Variants in NOS1 observed in about 807,000 individuals in gnomAD.
NOS1 encodes the protein NOS type I.
Under a neutral mutation model 164.5 loss-of-function variants are expected in NOS1, and 51 were observed. The observed-to-expected ratio is 0.31, with a 90% CI of 0.25 to 0.39. NOS1 has a LOEUF of 0.39. Among genes scored for constraint, NOS1 ranks in the 10% least tolerant of loss-of-function variants. The probability of loss-of-function intolerance (pLI) is 1.00; values close to 1 mark genes in which losing one functional copy is unlikely to be tolerated. For synonymous variants in NOS1, 719 were observed against 745.8 expected, an observed-to-expected ratio of 0.96 and a Z score of 0.59; for missense variants, 1,362 against 1,885.6, an observed-to-expected ratio of 0.72 and a Z score of 5.14.
At chr12:117,247,171 ATG>A in intron 18 of NOS1, among the ~76,000 whole-genome samples, 175 bp downstream of exon 18, 1 of 152,176 alleles carries the variant, frequency 6.6e-6, no homozygotes, top group South Asian at 2.1e-4. Flanking sequence ...GGTAGAAAAT[ATG>A]TGTTTTCAGG....
chr12:117,281,525 A>AAG (rs1873662602), intron 7 of NOS1, among the ~76,000 whole-genome samples: 1 of 146,262 alleles, frequency 6.8e-6, no homozygotes, highest in African/African-American at 2.5e-5. Context: ...ATCTCAAAAA[A>AAG]AAAAAAAAAA....
At chr12:117,240,616 G>GTGTTT (rs2135951393) in intron 20 of NOS1, among the ~76,000 whole-genome samples, 1 of 152,344 alleles carries the variant, frequency 6.6e-6, no homozygotes, top group East Asian at 1.9e-4. Context: ...TTTAAAATGT[G>GTGTTT]TATGATAAGA....
intron 12 of NOS1, among the ~76,000 whole-genome samples, chr12:117,264,464 A>C (rs71442802): frequency 4.4e-5 from 5 of 114,748 alleles, no homozygotes; most frequent in East Asian, 2.9e-4. Context: ...TTCTTTCTTT[A>C]TTTTCTTTCT....
At chr12:117,338,018 C>T (rs1875919835) in intron 1 of NOS1, among the ~76,000 whole-genome samples, 1 of 152,098 alleles carries the variant, frequency 6.6e-6, no homozygotes, top group African/African-American at 2.4e-5. Context: ...AGTTCAAGAC[C>T]AGCCTGGCCA....
intron 27 of NOS1, among the ~76,000 whole-genome samples, chr12:117,218,999 G>A (rs1224007813): frequency 1.4e-5 from 2 of 145,346 alleles, no homozygotes; most frequent in Non-Finnish European, 3.0e-5. Context: ...TTTTTTTTGA[G>A]ACAGAGTCTC....
chr12:117,224,565 G>A (rs1354207091), intron 25 of NOS1, among the ~76,000 whole-genome samples: 37 of 152,338 alleles, frequency 2.4e-4, no homozygotes, highest in East Asian at 7.7e-4. Flanking sequence ...GATTACAGGC[G>A]TGAGCCACCG....
intron 9 of NOS1, among the ~76,000 whole-genome samples, chr12:117,276,768 A>G (rs1459877392): frequency 1.3e-5 from 2 of 152,218 alleles, no homozygotes; most frequent in Non-Finnish European, 2.9e-5. Flanking sequence ...TTCACTTAAC[A>G]TAATGATCTC....
intron 17 of NOS1, among the ~76,000 whole-genome samples, chr12:117,252,542 A>G (rs1871178027): frequency 6.6e-6 from 1 of 152,234 alleles, no homozygotes; most frequent in East Asian, 1.9e-4. Flanking sequence ...AGTGAACCCT[A>G]AAGTAAACTA....
At position 117,226,780 on chromosome 12, in the gene NOS1, T is replaced by C. The variant is rs752819930; in HGVS notation, c.3617-10A>G. 6.2e-6 allele frequency: 10 copies of C among 1,611,660 alleles called. No individual in the cohort carries two copies. Among genetic ancestry groups the C allele is most frequent in the Non-Finnish European group, 7.6e-6 (9 of 1,178,270 alleles). On this transcript the variant is annotated splice_polypyrimidine_tract_variant and intron_variant, in intron 23 of 28. Transcript: ENST00000317775. ...ATTGGTCCTTCTCCATCTAGTAGAATAACCAAGGCAGTCAGGGCCACCCAC... is the reference window on the plus strand; with the variant it reads ...ATTGGTCCTTCTCCATCTAGTAGAACAACCAAGGCAGTCAGGGCCACCCAC...
chr12:117,305,462 T>TC (rs200766124), intron 3 of NOS1, among the ~76,000 whole-genome samples: 42 of 108,942 alleles, frequency 3.9e-4, no homozygotes, highest in African/African-American at 7.5e-4. Context: ...AGACTCCATC[T>TC]CAAAAAAAAA....
chr12:117,212,655 C>G lies in NOS1; in HGVS notation c.*2654G>C. On this transcript the variant is annotated 3_prime_UTR_variant, in exon 29 of 29. Transcript: ENST00000317775. ...AGGGGGAAGAGGGAAATAAATGGGC[C>G]ATAACCCGAATAACCCCCAAATATC... 1 of 985,432 alleles carries G rather than the reference C, an allele frequency of 1.0e-6. No homozygotes were observed. The highest frequency in any genetic ancestry group is 1.2e-6 in the Non-Finnish European group (1 of 829,936). The allele number at this position is 985,432 out of a possible 1,614,324, so 61.0% of individuals were successfully genotyped here.
intron 20 of NOS1, among the ~76,000 whole-genome samples, chr12:117,240,410 G>C (rs1273447638): frequency 6.6e-6 from 1 of 152,174 alleles, no homozygotes; most frequent in African/African-American, 2.4e-5. Flanking sequence ...ACATGAAGCA[G>C]GGATGGATAA....
At chr12:117,225,444 C>T (rs1288790351) in intron 24 of NOS1, among the ~76,000 whole-genome samples, 3 of 152,098 alleles carry the variant, frequency 2.0e-5, no homozygotes, top group Non-Finnish European at 4.4e-5. Context: ...ACTCCTTTGT[C>T]GTGGCACTGT....
Position 117,222,874 on chromosome 12 carries a change from G to A in NOS1, c.3827-11C>T. On this transcript the variant is annotated splice_polypyrimidine_tract_variant and intron_variant, in intron 25 of 28. Transcript: ENST00000317775. Reference sequence around the variant, plus strand: ...GGCAGGGGTTCATTCCTGGGGACCAGGAAGACCTTATGTCACCGATGGCTC... The same window carrying A: ...GGCAGGGGTTCATTCCTGGGGACCAAGAAGACCTTATGTCACCGATGGCTC... 1.2e-6 allele frequency: 2 copies of A among 1,611,932 alleles called. No homozygotes were observed. The highest frequency in any genetic ancestry group is 1.7e-6 in the Non-Finnish European group (2 of 1,179,082).
Position 117,330,301 on chromosome 12 carries a change from C to CACAA in NOS1, c.725+43_725+44insTTGT, listed in dbSNP as rs1875466871. On this transcript the variant is annotated intron_variant, in intron 2 of 28. Transcript: ENST00000317775. The surrounding 1 kb of genome is among the most constrained non-coding windows in gnomAD (Gnocchi z 4.6). ...ACGCACATGCACACACACAAGCATGCACACACACACACACACACACACACA... is the reference window on the plus strand; with the variant it reads ...ACGCACATGCACACACACAAGCATGCACAAACACACACACACACACACACACACA... 28 of 764,590 alleles carry CACAA rather than the reference C, an allele frequency of 3.7e-5. No individual in the cohort carries two copies. Among genetic ancestry groups the CACAA allele is most frequent in the Non-Finnish European group, 4.5e-5 (26 of 574,342 alleles). The allele number at this position is 764,590 out of a possible 1,614,324, so 47.4% of individuals were successfully genotyped here. A position where few individuals can be genotyped will look rare whatever the true frequency, so the allele number is the denominator to read the frequency against.
At chr12:117,360,152 TG>T in intron 1 of NOS1, among the ~76,000 whole-genome samples, 1 of 151,688 alleles carries the variant, frequency 6.6e-6, no homozygotes, top group Non-Finnish European at 1.5e-5. Flanking sequence ...GAAAGGTTCC[TG>T]CCCTCCTCGG....
intron 1 of NOS1, among the ~76,000 whole-genome samples, chr12:117,339,555 T>A (rs139612631): frequency 2.8e-3 from 426 of 152,308 alleles, no homozygotes; most frequent in Admixed American, 5.9e-3. Flanking sequence ...GAAAGGAACA[T>A]CCTTAAACAC....
chr12:117,348,292 G>C (rs956226828), intron 1 of NOS1: 4 of 152,132 alleles, frequency 2.6e-5, no homozygotes, highest in Non-Finnish European at 4.4e-5. Context: ...GGAATGTCAT[G>C]GTTCAGGATC....
At chr12:117,277,576 A>G (rs1207530854) in intron 9 of NOS1, among the ~76,000 whole-genome samples, 1 of 152,116 alleles carries the variant, frequency 6.6e-6, no homozygotes, top group East Asian at 1.9e-4. Flanking sequence ...CCTGGGCAAC[A>G]GCAGCAGACC....
Sources: gnomAD v4.1 joint callset for allele counts (sites outside exome capture counted in the v4.1 genomes callset) on GRCh38, gnomAD v4.1.1 for gene constraint, Gnocchi (gnomAD v3.1) non-coding constraint, MANE v1.5 for transcripts, NCBI Gene and HGNC (gene_info 2026-07-23, HGNC 2026-07-21) for gene names.